The following KIAA1549 variants were observed in gnomAD, a reference collection of about 807,000 sequenced individuals.
The protein encoded by KIAA1549 is KIAA1549, also known as UPF0606 protein KIAA1549.
KIAA1549 carries 70 observed loss-of-function variants against 156.4 expected under a neutral mutation model. The ratio of observed to expected loss-of-function variants is 0.45; its 90% CI spans 0.37 to 0.55. KIAA1549 has a LOEUF of 0.55. Among genes scored for constraint, KIAA1549 ranks in the 20% least tolerant of loss-of-function variants. The pLI is 0.00. For missense variants in KIAA1549, 2,428 were observed against 2,540.9 expected (o/e 0.96, Z 0.96); for synonymous variants, 1,103 against 1,066.4 (o/e 1.03, Z -0.67).
At chr7:138,898,060 G>A (rs1462840967) in intron 9 of KIAA1549, among the ~76,000 whole-genome samples, 1 of 151,994 alleles carries the variant, frequency 6.6e-6, no homozygotes, top group Admixed American at 6.5e-5. Context: ...AGTAATCCCA[G>A]CACTTTGGGA....
At chr7:138,896,957 C>A (rs536073329) in intron 9 of KIAA1549, among the ~76,000 whole-genome samples, 1 of 152,190 alleles carries the variant, frequency 6.6e-6, no homozygotes, top group South Asian at 2.1e-4. Context: ...CAAACTGGAC[C>A]CTGACACCAG....
intron 16 of KIAA1549, among the ~76,000 whole-genome samples, chr7:138,854,781 A>G (rs1382894468): frequency 6.6e-6 from 1 of 152,220 alleles, no homozygotes; most frequent in Non-Finnish European, 1.5e-5. Context: ...GTGTTTATTA[A>G]AAAAATCTTA....
intron 15 of KIAA1549, among the ~76,000 whole-genome samples, chr7:138,867,702 C>A (rs1584715661): frequency 6.6e-6 from 1 of 152,292 alleles, no homozygotes; most frequent in Non-Finnish European, 1.5e-5. Flanking sequence ...GAGAACGGGG[C>A]TTACGTATAG....
chr7:138,948,595 G>A (rs73168966), intron 1 of KIAA1549, among the ~76,000 whole-genome samples: 6,108 of 152,172 alleles, frequency 0.04, 187 homozygotes, highest in Non-Finnish European at 0.063. Flanking sequence ...GTTTTTATGG[G>A]GTAATGAGGT....
chr7:138,885,472 G>A (rs1811363902), intron 10 of KIAA1549, among the ~76,000 whole-genome samples: 1 of 152,130 alleles, frequency 6.6e-6, no homozygotes, highest in Non-Finnish European at 1.5e-5. Flanking sequence ...GCTGGCCACT[G>A]CACCCTTGCA....
intron 1 of KIAA1549, among the ~76,000 whole-genome samples, chr7:138,969,752 C>T (rs1814160498): frequency 6.6e-6 from 1 of 152,098 alleles, no homozygotes; most frequent in African/African-American, 2.4e-5. Context: ...ACCACCATGC[C>T]TGACTAATTT....
intron 1 of KIAA1549, 141 bp downstream of exon 1, chr7:138,980,942 T>C (rs571581398): frequency 1.3e-6 from 1 of 778,082 alleles, no homozygotes; most frequent in Non-Finnish European, 1.7e-6. Flanking sequence ...CCCAGAAGAA[T>C]GGCAAAGCAT....
In KIAA1549 at chr7:138,834,735, G is replaced by A. The variant is rs980440251; in HGVS notation, c.*3171C>T. 2.0e-4 allele frequency: 46 copies of A among 232,388 alleles called. 1 individual carries two copies. The Admixed American group carries it at 2.1e-3, about 11-fold the overall frequency. The allele number at this position is 232,388 out of a possible 1,614,324, so 14.4% of individuals were successfully genotyped here. ...TTACCCATGTGTGAACCCATTCACCGCAGTAGTGCAGCGTTTCACATCACT... is the reference window on the plus strand; with the variant it reads ...TTACCCATGTGTGAACCCATTCACCACAGTAGTGCAGCGTTTCACATCACT... On this transcript the variant is annotated 3_prime_UTR_variant, in exon 20 of 20. Transcript: ENST00000422774.
intron 16 of KIAA1549, among the ~76,000 whole-genome samples, chr7:138,853,467 C>T (rs1197825859): frequency 6.6e-6 from 1 of 152,216 alleles, no homozygotes; most frequent in Non-Finnish European, 1.5e-5. Context: ...ACAAGACACT[C>T]TCCTGTGAAC....
intron 1 of KIAA1549, among the ~76,000 whole-genome samples, chr7:138,968,560 C>T (rs1814112073): frequency 1.3e-5 from 2 of 152,056 alleles, no homozygotes; most frequent in African/African-American, 4.8e-5. Flanking sequence ...AAACCTTGTG[C>T]TCCAAGGCCA....
At chr7:138,967,849 A>C (rs1165592346) in intron 1 of KIAA1549, among the ~76,000 whole-genome samples, 1 of 152,098 alleles carries the variant, frequency 6.6e-6, no homozygotes, top group Non-Finnish European at 1.5e-5. Flanking sequence ...TTGTCCCCCA[A>C]TCCCCATCCA....
At chr7:138,928,483 C>T (rs1812784771) in intron 1 of KIAA1549, among the ~76,000 whole-genome samples, 1 of 152,068 alleles carries the variant, frequency 6.6e-6, no homozygotes, top group Non-Finnish European at 1.5e-5. Context: ...GACAGTGTTT[C>T]ACCATGTTGG....
At position 138,834,437 on chromosome 7, in the gene KIAA1549, CCG is replaced by C. The variant is rs1449651520; in HGVS notation, c.*3467_*3468del. 4.9e-6 allele frequency: 1 copy of C among 202,642 alleles called. No individual in the cohort carries two copies. The highest frequency in any genetic ancestry group is 2.3e-5 in the African/African-American group (1 of 43,616). The allele number at this position is 202,642 out of a possible 1,614,324, so 12.6% of individuals were successfully genotyped here. On this transcript the variant is annotated 3_prime_UTR_variant, in exon 20 of 20. Coordinates refer to ENST00000422774, the MANE Select transcript of KIAA1549 (RefSeq NM_001164665.2). ...ATGCTGGGATTACAGGCGTGAGCCA[CCG>C]CGCCTGATCTCTTCGAATGAATTTT...
chr7:138,850,504 T>G (rs541920341), intron 17 of KIAA1549, among the ~76,000 whole-genome samples: 1 of 152,358 alleles, frequency 6.6e-6, no homozygotes, highest in Non-Finnish European at 1.5e-5. Context: ...TTTTGAAAAC[T>G]GTCTGTGTCC....
At chr7:138,860,280 C>T (rs957787670) in intron 16 of KIAA1549, among the ~76,000 whole-genome samples, 2 of 152,212 alleles carry the variant, frequency 1.3e-5, no homozygotes, top group Non-Finnish European at 1.5e-5. Context: ...TGGAGGCTCT[C>T]GGCCTCCCAT....
chr7:138,911,882 T>G (rs1029241523), intron 3 of KIAA1549, among the ~76,000 whole-genome samples: 1 of 152,252 alleles, frequency 6.6e-6, no homozygotes, highest in Non-Finnish European at 1.5e-5. Context: ...TGTATCGCCA[T>G]GCGTGGGGCG....
At chr7:138,851,059 T>C (rs1810218805) in intron 17 of KIAA1549, among the ~76,000 whole-genome samples, 2 of 152,200 alleles carry the variant, frequency 1.3e-5, no homozygotes, top group South Asian at 2.1e-4. Context: ...TTCTATATCC[T>C]TTCTGTATCT....
At chr7:138,869,997 G>A (rs1465740796) in intron 13 of KIAA1549, among the ~76,000 whole-genome samples, 2 of 151,984 alleles carry the variant, frequency 1.3e-5, no homozygotes, top group African/African-American at 4.8e-5. Context: ...TTACAGACAC[G>A]CACCATCATG....
chr7:138,858,950 G>A (rs1032354649), intron 16 of KIAA1549, among the ~76,000 whole-genome samples: 20 of 151,842 alleles, frequency 1.3e-4, no homozygotes, highest in African/African-American at 4.1e-4. Context: ...AGCTTGCAGT[G>A]AGCCGACATT....
Sources: gnomAD v4.1 joint callset for allele counts (sites outside exome capture counted in the v4.1 genomes callset) on GRCh38, gnomAD v4.1.1 for gene constraint, MANE v1.5 for transcripts, NCBI Gene and HGNC (gene_info 2026-07-23, HGNC 2026-07-21) for gene names.